The following ANKRD28 variants were observed in gnomAD, a reference collection of about 807,000 sequenced individuals.
The protein encoded by ANKRD28 is ankyrin repeat domain 28.
A neutral mutation model predicts 126.5 loss-of-function variants in ANKRD28; 44 were observed. That is an observed-to-expected ratio of 0.35 (90% confidence interval 0.27 to 0.45). The LOEUF is 0.45. Among genes scored for constraint, ANKRD28 ranks in the 20% least tolerant of loss-of-function variants. The probability of loss-of-function intolerance (pLI) is 1.00; values close to 1 mark genes in which losing one functional copy is unlikely to be tolerated. For missense variants in ANKRD28, 1,110 were observed against 1,316.6 expected, an observed-to-expected ratio of 0.84 and a Z score of 2.43; for synonymous variants, 442 against 468.5, an observed-to-expected ratio of 0.94 and a Z score of 0.73.
At chr3:15,795,679 C>A (rs1281747527) in intron 1 of ANKRD28, among the ~76,000 whole-genome samples, 1 of 152,028 alleles carries the variant, frequency 6.6e-6, no homozygotes, top group Non-Finnish European at 1.5e-5. Flanking sequence ...ATTTCCAGCC[C>A]ATGAAGGAAG....
rs139831754 is a variant in ANKRD28, at chr3:15,814,424, C to G, written c.28-19118G>C. The G allele has an allele frequency of 1.0e-5, 4 of 400,144 alleles. No homozygotes were observed. The East Asian group carries it at 4.9e-4, about 49-fold the overall frequency. 24.8% of individuals were successfully genotyped at this position (400,144 alleles called of 1,614,324 possible). ...AAACATTGAATTATTGGATAATATT[C>G]AAAAACTTACTTTGGATTTTATTAA... On this transcript the variant is annotated intron_variant, in intron 1 of 27. Coordinates refer to the ANKRD28 transcript ENST00000399451. The surrounding 1 kb of genome is among the most constrained non-coding windows in gnomAD (Gnocchi z 4.7).
At chr3:15,685,007 G>A in intron 21 of ANKRD28, 1 of 559,358 alleles carries the variant, frequency 1.8e-6, no homozygotes, top group Non-Finnish European at 3.2e-6. Flanking sequence ...ATACTTCATG[G>A]CTTATCTCAG....
chr3:15,853,260 A>G lies in ANKRD28; in HGVS notation c.27+6117T>C, dbSNP rs1188432249. Among the ~76,000 whole-genome samples, 1 of 152,174 alleles carries G rather than the reference A, an allele frequency of 6.6e-6. No individual in the cohort carries two copies. The highest frequency in any genetic ancestry group is 1.5e-5 in the Non-Finnish European group (1 of 68,032). ...TAGGATACATTATTCAAAACAAAAG[A>G]CCTAATCCTGAACTATTTCCTCCAG... On this transcript the variant is annotated intron_variant, in intron 1 of 27. Coordinates refer to the ANKRD28 transcript ENST00000399451. The surrounding 1 kb of genome is among the most constrained non-coding windows in gnomAD (Gnocchi z 4.2).
intron 6 of ANKRD28, among the ~76,000 whole-genome samples, chr3:15,727,564 CAAAA>C (rs59584114): frequency 2.0e-4 from 13 of 65,970 alleles, no homozygotes; most frequent in African/African-American, 5.6e-4. Flanking sequence ...GAAACTCTGT[CAAAA>C]AAAAAAAAAA....
chr3:15,688,794 G>A (rs1284869068), intron 18 of ANKRD28, among the ~76,000 whole-genome samples: 3 of 152,192 alleles, frequency 2.0e-5, no homozygotes, highest in Admixed American at 6.5e-5. Context: ...ATAGACCTTC[G>A]TATTTTAACG....
rs1206848445 is a variant in ANKRD28, at chr3:15,796,733, A to C, written c.-212T>G. ...ATTTGTAACTTCCTAAATATAACGA[A>C]ATTCTATTATTTCTGTTGGATTACT... On this transcript the variant is annotated 5_prime_UTR_variant, in exon 1 of 28. In the 5' UTR this introduces an upstream ATG that the reference lacks. Transcript: ENST00000683139. 1 of 987,326 alleles carries C rather than the reference A, an allele frequency of 1.0e-6. No homozygotes were observed. The highest frequency in any genetic ancestry group is 1.2e-6 in the Non-Finnish European group (1 of 829,098). The allele number at this position is 987,326 out of a possible 1,614,324, so 61.2% of individuals were successfully genotyped here. A position where few individuals can be genotyped will look rare whatever the true frequency, so the allele number is the denominator to read the frequency against.
intron 1 of ANKRD28, among the ~76,000 whole-genome samples, chr3:15,813,529 A>G (rs1465249027): frequency 2.0e-5 from 3 of 152,328 alleles, no homozygotes; most frequent in East Asian, 3.9e-4. Context: ...TTTAACAAAA[A>G]GTACAGCATA....
chr3:15,680,078 A>G (rs2067379387), intron 21 of ANKRD28, among the ~76,000 whole-genome samples: 1 of 152,130 alleles, frequency 6.6e-6, no homozygotes, highest in South Asian at 2.1e-4. Flanking sequence ...CCAATCCTCA[A>G]CAGCAAACGA....
intron 4 of ANKRD28, among the ~76,000 whole-genome samples, chr3:15,741,812 A>G (rs1218963823): frequency 6.9e-6 from 1 of 145,884 alleles, no homozygotes; most frequent in African/African-American, 2.6e-5. Context: ...TACTGCTGCC[A>G]TCTCAGCTCA....
chr3:15,844,589 C>G (rs1034268746), intron 1 of ANKRD28, among the ~76,000 whole-genome samples: 4 of 151,984 alleles, frequency 2.6e-5, no homozygotes, highest in African/African-American at 9.7e-5. Flanking sequence ...AGTAAGGAGA[C>G]AACAATATGA....
intron 1 of ANKRD28, among the ~76,000 whole-genome samples, chr3:15,804,644 A>C (rs1417133914): frequency 2.1e-5 from 3 of 145,778 alleles, no homozygotes; most frequent in Non-Finnish European, 4.5e-5. Context: ...AAGCAAAGGT[A>C]ATTACAGCAA....
At chr3:15,672,560 A>G (rs2066483689) in intron 27 of ANKRD28, among the ~76,000 whole-genome samples, 1 of 152,168 alleles carries the variant, frequency 6.6e-6, no homozygotes, top group Non-Finnish European at 1.5e-5. Flanking sequence ...TTTTAATTAA[A>G]TTTTATTTGT....
chr3:15,703,817 C>T (rs2070968712), intron 14 of ANKRD28, among the ~76,000 whole-genome samples: 1 of 152,054 alleles, frequency 6.6e-6, no homozygotes, highest in African/African-American at 2.4e-5. Context: ...AGATAACAAC[C>T]CATAAAATAT....
At chr3:15,751,139 C>A (rs2057836834) in intron 4 of ANKRD28, among the ~76,000 whole-genome samples, 1 of 151,770 alleles carries the variant, frequency 6.6e-6, no homozygotes. Context: ...GTCTATCCTA[C>A]AAAGATGTCC....
At position 15,685,289 on chromosome 3, in the gene ANKRD28, C is replaced by T. The variant is rs2067982727; in HGVS notation, c.2326G>A (p.Asp776Asn). 1.2e-6 allele frequency: 2 copies of T among 1,613,826 alleles called. No homozygotes were observed. Among genetic ancestry groups the T allele is most frequent in the African/African-American group, 1.3e-5 (1 of 74,902 alleles). Reference protein sequence around the residue: ...GALLQSAASMDANPATADNHG... With the variant: ...GALLQSAASMNANPATADNHG... ...TTGTCTGCTGTGGCTGGATTTGCATCCATAGATGCTGCTGACTGCAAAAGG... is the reference window on the plus strand; with the variant it reads ...TTGTCTGCTGTGGCTGGATTTGCATTCATAGATGCTGCTGACTGCAAAAGG... The change falls in exon 21 of 28, where the codon GAT becomes AAT. Residue 776 changes from aspartate (D) to asparagine (N), a missense_variant. By Grantham distance (23) the Asp-to-Asn change is conservative. Coordinates refer to ENST00000683139, the MANE Select transcript of ANKRD28 (RefSeq NM_001349278.2).
At chr3:15,725,625 TG>T (rs1241468527) in intron 6 of ANKRD28, among the ~76,000 whole-genome samples, 1 of 152,220 alleles carries the variant, frequency 6.6e-6, no homozygotes, top group Non-Finnish European at 1.5e-5. Context: ...TGTCATGTTT[TG>T]GTTATTCTTG....
intron 2 of ANKRD28, among the ~76,000 whole-genome samples, chr3:15,777,610 G>C (rs1392242184): frequency 6.6e-6 from 1 of 152,008 alleles, no homozygotes; most frequent in African/African-American, 2.4e-5. Flanking sequence ...ATTATCTTTT[G>C]AACTAGTCAA....
intron 10 of ANKRD28, among the ~76,000 whole-genome samples, chr3:15,712,669 T>C (rs1376363580): frequency 6.6e-6 from 1 of 152,220 alleles, no homozygotes; most frequent in Non-Finnish European, 1.5e-5. Flanking sequence ...TCAAGAATAT[T>C]TATTGTAGTA....
At position 15,749,601 on chromosome 3, in the gene ANKRD28, T is replaced by C. The variant is rs9842270; in HGVS notation, c.351+2149A>G. 7.6e-3 allele frequency among the ~76,000 whole-genome samples: 1,157 copies of C among 152,342 alleles called. 11 individuals are homozygous for C. The highest frequency in any genetic ancestry group is 0.019 in the African/African-American group (777 of 41,582). ...TGTCATATTACCAGAATTGTTTTTC[T>C]GGTTCTTTCTCATTTGGGTAGGCTA... On this transcript the variant is annotated intron_variant, in intron 4 of 27. Coordinates refer to ENST00000683139, the MANE Select transcript of ANKRD28 (RefSeq NM_001349278.2).
Sources: gnomAD v4.1 joint callset for allele counts (sites outside exome capture counted in the v4.1 genomes callset) on GRCh38, gnomAD v4.1.1 for gene constraint, Gnocchi (gnomAD v3.1) non-coding constraint, MANE v1.5 for transcripts, NCBI Gene and HGNC (gene_info 2026-07-23, HGNC 2026-07-21) for gene names.